The following WWTR1 variants were observed in gnomAD, a reference collection of about 807,000 sequenced individuals.
The protein encoded by WWTR1 is WW domain containing transcription regulator 1.
WWTR1 carries 13 observed loss-of-function variants against 40.1 expected under a neutral mutation model. The ratio of observed to expected loss-of-function variants is 0.32; its 90% CI spans 0.21 to 0.52. The LOEUF (loss-of-function observed/expected upper bound fraction) is 0.52, where lower values mean the gene tolerates loss of function less well. Ranked by LOEUF, WWTR1 falls within the 20% of genes least tolerant of loss-of-function variation. The probability of loss-of-function intolerance (pLI) is 0.97; values close to 1 mark genes in which losing one functional copy is unlikely to be tolerated. For missense variants in WWTR1, 436 were observed against 523.1 expected (o/e 0.83, Z 1.63); for synonymous variants, 230 against 210.1 (o/e 1.09, Z -0.82).
chr3:149,661,756 G>A (rs557193965), upstream of WWTR1, among the ~76,000 whole-genome samples: 189 of 127,664 alleles, frequency 1.5e-3, 1 homozygote, highest in East Asian at 0.018. Context: ...TTTTTGAGAC[G>A]GAGTCTTACT....
At chr3:149,624,995 C>T (rs199621606) in intron 2 of WWTR1, among the ~76,000 whole-genome samples, 4 of 151,302 alleles carry the variant, frequency 2.6e-5, no homozygotes, top group East Asian at 3.9e-4. Flanking sequence ...CCTCCCAAAG[C>T]GCTGGGATTA....
At chr3:149,650,591 C>T (rs140454820) in intron 2 of WWTR1, among the ~76,000 whole-genome samples, 71 of 152,350 alleles carry the variant, frequency 4.7e-4, no homozygotes, top group Non-Finnish European at 9.6e-4. Flanking sequence ...GTCTGGCATA[C>T]AGCAGGTAAT....
intron 1 of WWTR1, among the ~76,000 whole-genome samples, chr3:149,688,703 G>T (rs34101350): frequency 0.14 from 21,843 of 152,058 alleles, 1,982 homozygotes; most frequent in Admixed American, 0.26. Flanking sequence ...GTGAAGATTA[G>T]AATAAATACC....
chr3:149,693,682 T>C (rs1425018030), intron 1 of WWTR1, among the ~76,000 whole-genome samples: 5 of 151,982 alleles, frequency 3.3e-5, no homozygotes, highest in African/African-American at 7.2e-5. Context: ...AACCCAGAAA[T>C]CAATCTATAC....
At chr3:149,687,353 A>C (rs1318997174) in intron 1 of WWTR1, among the ~76,000 whole-genome samples, 1 of 152,200 alleles carries the variant, frequency 6.6e-6, no homozygotes, top group Non-Finnish European at 1.5e-5. Context: ...TAGCCAGAGC[A>C]ATCTCTCATT....
At chr3:149,701,120 G>A (rs1057070142) in intron 1 of WWTR1, among the ~76,000 whole-genome samples, 2 of 152,072 alleles carry the variant, frequency 1.3e-5, no homozygotes, top group African/African-American at 2.4e-5. Flanking sequence ...CCCCTGTCCT[G>A]ATTTTAAAAG....
chr3:149,632,602 T>C (rs1020525298), intron 2 of WWTR1, among the ~76,000 whole-genome samples: 12 of 152,182 alleles, frequency 7.9e-5, no homozygotes, highest in Non-Finnish European at 1.6e-4. Context: ...AGGAAGATCA[T>C]TTTCCACTCA....
At chr3:149,527,298 C>T (rs1266060036) in intron 5 of WWTR1, among the ~76,000 whole-genome samples, 2 of 152,060 alleles carry the variant, frequency 1.3e-5, no homozygotes, top group Admixed American at 6.6e-5. Context: ...CAGGCATGCA[C>T]CACCATGCCC....
At chr3:149,601,485 A>G (rs1739239123) in intron 2 of WWTR1, among the ~76,000 whole-genome samples, 2 of 152,158 alleles carry the variant, frequency 1.3e-5, no homozygotes, top group South Asian at 4.2e-4. Context: ...GGCATGAGGC[A>G]CCACACCCAG....
Position 149,677,827 on chromosome 3 carries a change from G to A in WWTR1, c.-107-7936C>T, listed in dbSNP as rs570128174. On this transcript the variant is annotated intron_variant, in intron 1 of 7. Transcript: ENST00000465804. Reference sequence around the variant, plus strand: ...TGCTCTCCAGCCTGGGTGACACAGCGATCTCAGCTCACTGCTACCTCTGCC... The same window carrying A: ...TGCTCTCCAGCCTGGGTGACACAGCAATCTCAGCTCACTGCTACCTCTGCC... Among the ~76,000 whole-genome samples the A allele has an allele frequency of 2.2e-4, 34 of 151,646 alleles. No homozygotes were observed. In the South Asian group the frequency reaches 6.4e-3, roughly 29 times the overall value.
At chr3:149,565,326 A>G (rs1354126529) in intron 3 of WWTR1, among the ~76,000 whole-genome samples, 1 of 151,496 alleles carries the variant, frequency 6.6e-6, no homozygotes, top group Non-Finnish European at 1.5e-5. Flanking sequence ...TTTAAGGAAA[A>G]TTGTGGCATC....
chr3:149,523,978 A>T (rs1350068156), intron 6 of WWTR1, among the ~76,000 whole-genome samples: 1 of 152,146 alleles, frequency 6.6e-6, no homozygotes, highest in African/African-American at 2.4e-5. Flanking sequence ...TTAACGTGGC[A>T]CTCTGACATT....
intron 2 of WWTR1, among the ~76,000 whole-genome samples, chr3:149,620,111 G>T (rs569804420): frequency 1.3e-5 from 2 of 152,214 alleles, no homozygotes; most frequent in African/African-American, 4.8e-5. Context: ...TGTTGGGTAG[G>T]TGTTTTCGTA....
chr3:149,594,367 G>T (rs1259460153), intron 2 of WWTR1, among the ~76,000 whole-genome samples: 1 of 151,842 alleles, frequency 6.6e-6, no homozygotes, highest in South Asian at 2.1e-4. Flanking sequence ...TACAATATTT[G>T]GTTTGAGCAA....
At chr3:149,697,871 G>C (rs1715042815) in intron 1 of WWTR1, among the ~76,000 whole-genome samples, 1 of 152,228 alleles carries the variant, frequency 6.6e-6, no homozygotes, top group Non-Finnish European at 1.5e-5. Context: ...CAAAAGGGAG[G>C]AGTTGGCCAA....
chr3:149,724,412 T>G (rs762082876), intron 3 of WWTR1, among the ~76,000 whole-genome samples: 12 of 151,856 alleles, frequency 7.9e-5, no homozygotes, highest in Non-Finnish European at 1.5e-4. Context: ...TGATCCCCCC[T>G]AATATTTGAC....
Position 149,519,618 on chromosome 3 carries a change from C to G in WWTR1, c.*1187G>C, listed in dbSNP as rs1054767305. ...TCAAAAACATTTGGCTGCCTTTTGT[C>G]ATCAGCTACAAAATTACAGTGCTTT... On this transcript the variant is annotated 3_prime_UTR_variant, in exon 7 of 7. Transcript: ENST00000360632. The G allele has an allele frequency of 2.0e-5, 3 of 152,206 alleles. No homozygotes were observed. Among genetic ancestry groups the G allele is most frequent in the African/African-American group, 7.2e-5 (3 of 41,448 alleles). The allele number at this position is 152,206 out of a possible 1,614,324, so 9.4% of individuals were successfully genotyped here.
chr3:149,579,408 C>T (rs945237429), intron 2 of WWTR1, among the ~76,000 whole-genome samples: 3 of 152,212 alleles, frequency 2.0e-5, no homozygotes, highest in Admixed American at 2.0e-4. Context: ...CAATCATACT[C>T]ACTGCTCCCT....
At chr3:149,706,113 T>C (rs1715322178), upstream of WWTR1, among the ~76,000 whole-genome samples, 1 of 152,134 alleles carries the variant, frequency 6.6e-6, no homozygotes, top group South Asian at 2.1e-4. Flanking sequence ...GGAGGATTGC[T>C]TGTGCCTGGG....
Sources: gnomAD v4.1 joint callset for allele counts (sites outside exome capture counted in the v4.1 genomes callset) on GRCh38, gnomAD v4.1.1 for gene constraint, MANE v1.5 for transcripts, NCBI Gene and HGNC (gene_info 2026-07-23, HGNC 2026-07-21) for gene names.